Variants in HIVEP2 observed in about 807,000 individuals in gnomAD.
The protein encoded by HIVEP2 is transcription factor HIVEP2.
HIVEP2 carries 14 observed loss-of-function variants against 180.7 expected under a neutral mutation model. That is an observed-to-expected ratio of 0.08 (90% CI 0.05 to 0.12). The LOEUF (loss-of-function observed/expected upper bound fraction) is 0.12. HIVEP2 is among the 10% of genes least tolerant of loss of function. The pLI is 1.00. For missense variants in HIVEP2, 2,579 were observed against 3,008.5 expected (o/e 0.86, Z 3.34); for synonymous variants, 1,184 against 1,136.4 (o/e 1.04, Z -0.84).
In HIVEP2 at chr6:142,753,472, T is replaced by A; in HGVS notation, c.6976A>T (p.Ile2326Leu). The change falls in exon 10 of 10, where the codon ATA (isoleucine) becomes TTA (leucine). Residue 2326 changes from isoleucine to leucine, a missense_variant. Physicochemically the swap from Ile to Leu is conservative, Grantham distance 5. Around this residue, in one of 11 missense-constraint regions of HIVEP2, gnomAD observed 660 missense variants for 731.7 expected, o/e 0.90. Transcript: ENST00000367603. ...NATEREQEEN[I>L]QTCTKAIASL... ...GCAATGGCTTTTGTACAAGTCTGTA[T>A]ATTTTCCTCCTGTTCCCGCTCTGTT... is the stretch of plus-strand genomic sequence containing the variant. 6.2e-7 allele frequency: 1 copy of A among 1,614,056 alleles called. No individual in the cohort carries two copies. The highest frequency in any genetic ancestry group is 8.5e-7 in the Non-Finnish European group (1 of 1,180,042).
chr6:142,812,754 T>C (rs1329480067), intron 2 of HIVEP2, among the ~76,000 whole-genome samples: 2 of 152,032 alleles, frequency 1.3e-5, no homozygotes, highest in African/African-American at 2.4e-5. Flanking sequence ...CTGTGTTAAG[T>C]GGAAACAATA....
At chr6:142,870,057 A>T (rs1299277538) in intron 1 of HIVEP2, among the ~76,000 whole-genome samples, 1 of 152,032 alleles carries the variant, frequency 6.6e-6, no homozygotes, top group East Asian at 1.9e-4. Context: ...AGCCGTGACC[A>T]CTGAAGGGCT....
chr6:142,870,928 G>C (rs930855377), intron 1 of HIVEP2, among the ~76,000 whole-genome samples: 5 of 152,132 alleles, frequency 3.3e-5, no homozygotes, highest in Admixed American at 2.6e-4. Context: ...TGTGCTGAGA[G>C]CCAAGCAATG....
Position 142,759,911 on chromosome 6 carries a change from CTTGCTG to C in HIVEP2, c.6371_6376del (p.Thr2124_Ala2125del). On this transcript the variant is annotated inframe_deletion, in exon 9 of 10. Transcript: ENST00000367603. ...CTCTCTTCTAGGAGAGAGGTCTCTTCTTGCTGTGATATCTTTCCCAGGAGACACTGG... is the reference window on the plus strand; with the variant it reads ...CTCTCTTCTAGGAGAGAGGTCTCTTCTGATATCTTTCCCAGGAGACACTGG... 6.2e-7 allele frequency: 1 copy of C among 1,614,120 alleles called. No homozygotes were observed. The highest frequency in any genetic ancestry group is 8.5e-7 in the Non-Finnish European group (1 of 1,180,010).
chr6:142,756,889 A>T (rs1338999862), intron 9 of HIVEP2, among the ~76,000 whole-genome samples: 2 of 152,094 alleles, frequency 1.3e-5, no homozygotes, highest in Non-Finnish European at 2.9e-5. Context: ...GCACTGGAGC[A>T]CTTCTACCTC....
At chr6:142,849,313 G>A (rs568496856) in intron 1 of HIVEP2, among the ~76,000 whole-genome samples, 11 of 152,128 alleles carry the variant, frequency 7.2e-5, no homozygotes, top group South Asian at 6.2e-4. Context: ...TTTGTGAGGC[G>A]GAAAAGAGGA....
chr6:142,815,915 T>A (rs1196768815), intron 2 of HIVEP2, among the ~76,000 whole-genome samples: 1 of 152,224 alleles, frequency 6.6e-6, no homozygotes, highest in Non-Finnish European at 1.5e-5. Flanking sequence ...AAACTCAATA[T>A]CCTTTAAAAC....
chr6:142,866,367 A>G (rs1162276523), intron 1 of HIVEP2, among the ~76,000 whole-genome samples: 2 of 152,224 alleles, frequency 1.3e-5, no homozygotes, highest in Admixed American at 6.5e-5. Flanking sequence ...TAAATCACTG[A>G]GCATAATCAT....
At chr6:142,912,471 G>A (rs1228672998) in intron 1 of HIVEP2, among the ~76,000 whole-genome samples, 1 of 152,040 alleles carries the variant, frequency 6.6e-6, no homozygotes, top group Non-Finnish European at 1.5e-5. Flanking sequence ...TTTTCATCCT[G>A]GCTTGATAGC....
At chr6:142,836,518 T>A (rs538263762) in intron 2 of HIVEP2, among the ~76,000 whole-genome samples, 2 of 152,128 alleles carry the variant, frequency 1.3e-5, no homozygotes, top group Admixed American at 1.3e-4. Flanking sequence ...ATGAGAATGG[T>A]TTAAAATACA....
At chr6:142,756,651 A>C (rs1351308881) in intron 9 of HIVEP2, among the ~76,000 whole-genome samples, 3 of 150,788 alleles carry the variant, frequency 2.0e-5, no homozygotes, top group African/African-American at 7.3e-5. Context: ...CTATCTACAA[A>C]AGCTTTAAAA....
At chr6:142,830,351 G>A (rs1582896536) in intron 2 of HIVEP2, among the ~76,000 whole-genome samples, 1 of 152,234 alleles carries the variant, frequency 6.6e-6, no homozygotes, top group Admixed American at 6.5e-5. Flanking sequence ...TCAGCAAGTC[G>A]TGAGATGGCA....
chr6:142,845,761 C>A (rs1775496695), intron 1 of HIVEP2, among the ~76,000 whole-genome samples: 2 of 152,222 alleles, frequency 1.3e-5, no homozygotes, highest in African/African-American at 4.8e-5. Flanking sequence ...GGTCGGTTCC[C>A]CAGAGCCCTG....
At chr6:142,881,179 A>G (rs879458167) in intron 1 of HIVEP2, among the ~76,000 whole-genome samples, 3 of 152,136 alleles carry the variant, frequency 2.0e-5, no homozygotes, top group African/African-American at 4.8e-5. Flanking sequence ...ATACCTCTCC[A>G]CTCATATAAA....
chr6:142,912,099 T>C (rs914138742), intron 1 of HIVEP2, among the ~76,000 whole-genome samples: 7 of 152,246 alleles, frequency 4.6e-5, no homozygotes, highest in African/African-American at 1.7e-4. Context: ...ACTAGCCATA[T>C]GTGGCTGCTT....
intron 7 of HIVEP2, among the ~76,000 whole-genome samples, chr6:142,762,190 T>C (rs1303688679): frequency 6.6e-6 from 1 of 152,186 alleles, no homozygotes; most frequent in Non-Finnish European, 1.5e-5. Context: ...CTGGCATATG[T>C]TAGCAAAAGT....
intron 2 of HIVEP2, among the ~76,000 whole-genome samples, chr6:142,804,539 A>G (rs1447425357): frequency 6.6e-6 from 1 of 152,146 alleles, no homozygotes; most frequent in Non-Finnish European, 1.5e-5. Context: ...TATGTGAATC[A>G]AATTGAAAAA....
At chr6:142,893,189 C>T (rs375715560) in intron 1 of HIVEP2, among the ~76,000 whole-genome samples, 277 of 152,176 alleles carry the variant, frequency 1.8e-3, no homozygotes, top group Non-Finnish European at 1.8e-3. Context: ...TGCTGGGTGA[C>T]GTTGGGCAAG....
At chr6:142,850,981 C>T (rs1157394800) in intron 1 of HIVEP2, among the ~76,000 whole-genome samples, 1 of 152,160 alleles carries the variant, frequency 6.6e-6, no homozygotes, top group East Asian at 1.9e-4. Flanking sequence ...TAATGGAAAA[C>T]CCAGTTTTAT....
Sources: allele counts gnomAD v4.1 joint callset (sites outside exome capture counted in the v4.1 genomes callset), GRCh38; gene constraint gnomAD v4.1.1; regional missense constraint gnomAD v4.1.1; transcripts MANE v1.5; gene names NCBI Gene and HGNC (gene_info 2026-07-23, HGNC 2026-07-21).